DUSP5: variants seen among roughly 807,000 people sequenced by gnomAD.
The protein encoded by DUSP5 is dual specificity phosphatase 5.
In DUSP5, 22 loss-of-function variants were observed where a neutral mutation model predicts 33.6. That is an observed-to-expected ratio of 0.66 (90% CI 0.47 to 0.94). The LOEUF (loss-of-function observed/expected upper bound fraction) is 0.94, where lower values mean the gene tolerates loss of function less well. Ranked by LOEUF, DUSP5 falls within the 40% of genes least tolerant of loss-of-function variation. The pLI is 0.00. For missense variants in DUSP5, 551 were observed against 522.1 expected, an observed-to-expected ratio of 1.06 and a Z score of -0.54; for synonymous variants, 270 against 231.1, an observed-to-expected ratio of 1.17 and a Z score of -1.53.
chr10:110,504,714 C>G (rs1860097529), intron 2 of DUSP5, among the ~76,000 whole-genome samples: 1 of 152,220 alleles, frequency 6.6e-6, no homozygotes, highest in African/African-American at 2.4e-5. Context: ...CAGGTCAGGA[C>G]TAGACCTGCT....
rs190258767 is a variant in DUSP5, at chr10:110,498,941, C to T, written c.379+441C>T. 2.7e-3 allele frequency among the ~76,000 whole-genome samples: 414 copies of T among 152,298 alleles called. 2 individuals are homozygous for T. Among genetic ancestry groups the T allele is most frequent in the Non-Finnish European group, 4.3e-3 (294 of 68,008 alleles). ...GTGTGGCGCCGTGGTGCCCCCCTTC[C>T]TCCCGCCTAGCCAGCTGTGGTCTTC... On this transcript the variant is annotated intron_variant, in intron 1 of 3. Transcript: ENST00000369583.
chr10:110,498,555 C>T (rs1459670791), intron 1 of DUSP5, 55 bp downstream of exon 1: 10 of 1,378,336 alleles, frequency 7.3e-6, no homozygotes, highest in Non-Finnish European at 9.4e-6. Context: ...CGGGTCCCCT[C>T]CCTGCGCCGG....
chr10:110,498,285 C>T lies in DUSP5; in HGVS notation c.164C>T (p.Ala55Val), dbSNP rs1203123944. The part of the protein sequence containing the change: ...VNLNSVVLRR[A>V]RGGAVSARYV... ...CTCAACTCGGTGGTGCTGCGGCGGG[C>T]CCGGGGCGGCGCGGTGTCGGCGCGC... The change falls in exon 1 of 4, where the codon GCC becomes GTC. Residue 55 changes from alanine to valine, a missense_variant. Ala to Val is a moderately conservative substitution (Grantham distance 64). Coordinates refer to ENST00000369583, the MANE Select transcript of DUSP5 (RefSeq NM_004419.4). The T allele has an allele frequency of 4.1e-6, 6 of 1,451,058 alleles. No homozygotes were observed. Among genetic ancestry groups the T allele is most frequent in the African/African-American group, 1.5e-5 (1 of 68,312 alleles). 89.9% of individuals were successfully genotyped at this position (1,451,058 alleles called of 1,614,324 possible). A position where few individuals can be genotyped will look rare whatever the true frequency, so the allele number is the denominator to read the frequency against.
Position 110,502,887 on chromosome 10 carries a change from G to A in DUSP5, c.528+18G>A. ...ATGACCAGGTACGTGATGTGATGGG[G>A]AAGAGGTATCCTGAGTGGTATTCTG... is the stretch of plus-strand genomic sequence containing the variant. On this transcript the variant is annotated intron_variant, in intron 2 of 3. Coordinates refer to ENST00000369583, the MANE Select transcript of DUSP5 (RefSeq NM_004419.4). The A allele has an allele frequency of 1.2e-6, 2 of 1,614,036 alleles. No homozygotes were observed. Among genetic ancestry groups the A allele is most frequent in the African/African-American group, 1.3e-5 (1 of 75,038 alleles).
Position 110,507,203 on chromosome 10 carries a change from A to G in DUSP5, c.748+49A>G, listed in dbSNP as rs202129506. On this transcript the variant is annotated intron_variant, in intron 3 of 3. Coordinates refer to ENST00000369583, the MANE Select transcript of DUSP5 (RefSeq NM_004419.4). ...GTTATTTTGGGAGCCCCTTTGGGGC[A>G]TGTGTTCTTGACTTTTGATGCCCTG... 4 of 1,573,462 alleles carry G rather than the reference A, an allele frequency of 2.5e-6. No homozygotes were observed. The Admixed American group carries it at 6.8e-5, about 27-fold the overall frequency.
At position 110,497,962 on chromosome 10, in the gene DUSP5, C is replaced by T; in HGVS notation, c.-160C>T. 2.2e-6 allele frequency: 1 copy of T among 448,636 alleles called. No homozygotes were observed. Among genetic ancestry groups the T allele is most frequent in the Non-Finnish European group, 2.9e-6 (1 of 339,556 alleles). 27.8% of individuals were successfully genotyped at this position (448,636 alleles called of 1,614,324 possible). A position where few individuals can be genotyped will look rare whatever the true frequency, so the allele number is the denominator to read the frequency against. On this transcript the variant is annotated 5_prime_UTR_variant, in exon 1 of 4. Coordinates refer to ENST00000369583, the MANE Select transcript of DUSP5 (RefSeq NM_004419.4). ...CTATCGAGCGAGCGGGGCGGGAACG[C>T]GGAGTTGCGCCGCCGCTCGGGCGCC...
intron 1 of DUSP5, among the ~76,000 whole-genome samples, chr10:110,499,729 C>G (rs1860017517): frequency 6.6e-6 from 1 of 152,216 alleles, no homozygotes; most frequent in Admixed American, 6.5e-5. Flanking sequence ...AGCCTATCCC[C>G]CAGGGGATAG....
Position 110,501,669 on chromosome 10 carries a change from T to C in DUSP5, c.380-1052T>C, listed in dbSNP as rs1000611970. 2.0e-5 allele frequency among the ~76,000 whole-genome samples: 3 copies of C among 152,144 alleles called. No individual in the cohort carries two copies. The East Asian group carries it at 5.8e-4, about 29-fold the overall frequency. ...ATTCTCTGGGCCAGAAAAAGACAAG[T>C]GGGCTTTCTGGAGGCCCTAGGAAAT... On this transcript the variant is annotated intron_variant, in intron 1 of 3. Transcript: ENST00000369583.
chr10:110,504,262 T>G (rs976169764), intron 2 of DUSP5, among the ~76,000 whole-genome samples: 3 of 152,258 alleles, frequency 2.0e-5, no homozygotes, highest in Non-Finnish European at 4.4e-5. Flanking sequence ...GTCTTCAAGA[T>G]TCATCTGGGG....
intron 3 of DUSP5, 86 bp from the exon 4 acceptor site, chr10:110,509,934 G>C: frequency 6.7e-7 from 1 of 1,496,374 alleles, no homozygotes; most frequent in Non-Finnish European, 8.9e-7. Context: ...TCATATCTAG[G>C]TTACTCCAGT....
intron 1 of DUSP5, among the ~76,000 whole-genome samples, chr10:110,499,771 A>T (rs1455394688): frequency 6.6e-6 from 1 of 152,178 alleles, no homozygotes; most frequent in Admixed American, 6.5e-5. Flanking sequence ...CAGAGGTTTC[A>T]GCGTGCCTCC....
chr10:110,508,152 G>T, intron 3 of DUSP5, among the ~76,000 whole-genome samples: 1 of 152,060 alleles, frequency 6.6e-6, no homozygotes, highest in East Asian at 1.9e-4. Flanking sequence ...CACAATTTCT[G>T]CTCCCCAGGA....
At chr10:110,503,260 C>T (rs1246039417) in intron 2 of DUSP5, among the ~76,000 whole-genome samples, 2 of 152,208 alleles carry the variant, frequency 1.3e-5, no homozygotes, top group African/African-American at 2.4e-5. Context: ...TGTTGCTTTT[C>T]TTTGTAATTG....
At chr10:110,502,910 C>T in intron 2 of DUSP5, 41 bp downstream of exon 2, 1 of 1,610,132 alleles carries the variant, frequency 6.2e-7, no homozygotes, top group Non-Finnish European at 8.5e-7. Flanking sequence ...GAGTGGTATT[C>T]TGGGCTCCTG....
chr10:110,500,750 T>C (rs1244585636), intron 1 of DUSP5, among the ~76,000 whole-genome samples: 1 of 152,208 alleles, frequency 6.6e-6, no homozygotes, highest in Admixed American at 6.5e-5. Context: ...CTTTTGCCAC[T>C]CGAGTGAGGC....
chr10:110,510,651 T>TCCC lies in DUSP5; in HGVS notation c.*225_*226insCCC. On this transcript the variant is annotated 3_prime_UTR_variant, in exon 4 of 4. Transcript: ENST00000369583. Reference sequence around the variant, plus strand: ...GCCATTACGGGAGCACAGCATGTGCTGACTACTGTACTTCCAGACCCCTGC... The same window carrying TCCC: ...GCCATTACGGGAGCACAGCATGTGCTCCCGACTACTGTACTTCCAGACCCCTGC... The TCCC allele has an allele frequency of 3.5e-6, 2 of 573,962 alleles. No homozygotes were observed. Among genetic ancestry groups the TCCC allele is most frequent in the African/African-American group, 1.9e-5 (1 of 53,668 alleles). 35.6% of individuals were successfully genotyped at this position (573,962 alleles called of 1,614,324 possible).
At chr10:110,503,524 T>C (rs1860082610) in intron 2 of DUSP5, 1 of 152,236 alleles carries the variant, frequency 6.6e-6, no homozygotes, top group African/African-American at 2.4e-5. Context: ...AAATGAGTGC[T>C]TTGTGATAAC....
At chr10:110,509,154 C>T (rs1860155020) in intron 3 of DUSP5, among the ~76,000 whole-genome samples, 1 of 152,166 alleles carries the variant, frequency 6.6e-6, no homozygotes, top group Non-Finnish European at 1.5e-5. Context: ...TATCTTTAAC[C>T]TTTCACCCCT....
At chr10:110,505,301 G>A (rs1006190175) in intron 2 of DUSP5, among the ~76,000 whole-genome samples, 5 of 152,188 alleles carry the variant, frequency 3.3e-5, no homozygotes, top group African/African-American at 1.2e-4. Context: ...GCCTCAAGTT[G>A]CCCATCCGTA....
Sources: gnomAD v4.1 joint callset for allele counts (sites outside exome capture counted in the v4.1 genomes callset) on GRCh38, gnomAD v4.1.1 for gene constraint, MANE v1.5 for transcripts, NCBI Gene and HGNC (gene_info 2026-07-23, HGNC 2026-07-21) for gene names.